Variants in USP8 observed in about 807,000 individuals in gnomAD.
USP8 encodes the protein ubiquitin specific peptidase 8, also known as ubiquitin carboxyl-terminal hydrolase 8.
USP8 carries 27 observed loss-of-function variants against 130.0 expected under a neutral mutation model. The ratio of observed to expected loss-of-function variants is 0.21; its 90% CI spans 0.15 to 0.29. The LOEUF is 0.29. Among genes scored for constraint, USP8 ranks in the 10% least tolerant of loss-of-function variants. USP8 has a pLI of 1.00. For synonymous variants in USP8, 392 were observed against 444.1 expected, an observed-to-expected ratio of 0.88 and a Z score of 1.48; for missense variants, 1,029 against 1,312.2, an observed-to-expected ratio of 0.78 and a Z score of 3.33.
Position 50,508,526 on chromosome 15 carries a change from T to C in USP8, c.*9438T>C, listed in dbSNP as rs1204575992. 1 of 152,160 alleles carries C rather than the reference T, an allele frequency of 6.6e-6. No individual in the cohort carries two copies. The highest frequency in any genetic ancestry group is 1.5e-5 in the Non-Finnish European group (1 of 68,042). The allele number at this position is 152,160 out of a possible 1,614,324, so 9.4% of individuals were successfully genotyped here. A position where few individuals can be genotyped will look rare whatever the true frequency, so the allele number is the denominator to read the frequency against. On this transcript the variant is annotated 3_prime_UTR_variant, in exon 20 of 20. Coordinates refer to ENST00000307179, the MANE Select transcript of USP8 (RefSeq NM_005154.5). ...TTTTAAATACTTATATCTTAAAGGA[T>C]AGACTGAGTGTTAATACACTGGACA...
chr15:50,496,480 TAA>T (rs35899607), intron 17 of USP8, among the ~76,000 whole-genome samples: 1,893 of 116,480 alleles, frequency 0.016, 43 homozygotes, highest in African/African-American at 0.046. Context: ...GACTCCGTCT[TAA>T]AAAAAAAAAA....
At chr15:50,483,942 G>A (rs1022973059) in intron 11 of USP8, among the ~76,000 whole-genome samples, 11 of 152,072 alleles carry the variant, frequency 7.2e-5, no homozygotes, top group Admixed American at 3.3e-4. Flanking sequence ...AACCAAAATC[G>A]TAATAGTATT....
At chr15:50,443,997 C>T (rs540143421) in intron 3 of USP8, among the ~76,000 whole-genome samples, 5 of 151,808 alleles carry the variant, frequency 3.3e-5, no homozygotes, top group African/African-American at 1.2e-4. Context: ...TTGCTTAAAA[C>T]GCAGTGTAAG....
intron 5 of USP8, among the ~76,000 whole-genome samples, chr15:50,461,540 A>G (rs997917651): frequency 1.8e-4 from 28 of 151,462 alleles, no homozygotes; most frequent in African/African-American, 6.5e-4. Context: ...GGATTATCCC[A>G]TGTTGTCTTG....
chr15:50,445,932 A>C (rs1472574519), intron 3 of USP8, among the ~76,000 whole-genome samples: 1 of 152,132 alleles, frequency 6.6e-6, no homozygotes, highest in African/African-American at 2.4e-5. Flanking sequence ...GAAGGACACT[A>C]CATTTTATTA....
At chr15:50,474,484 A>G (rs1201804308) in intron 8 of USP8, among the ~76,000 whole-genome samples, 1 of 152,222 alleles carries the variant, frequency 6.6e-6, no homozygotes, top group Non-Finnish European at 1.5e-5. Context: ...TGGGACAATT[A>G]TATGAAACTG....
At position 50,504,145 on chromosome 15, in the gene USP8, T is replaced by C. The variant is rs935447428; in HGVS notation, c.*5057T>C. On this transcript the variant is annotated 3_prime_UTR_variant, in exon 20 of 20. Coordinates refer to ENST00000307179, the MANE Select transcript of USP8 (RefSeq NM_005154.5). ...TTTAAAATACAGTGTAACAACTATT[T>C]ACATAGTATTTATATTGTATTAGAT... The C allele has an allele frequency of 2.6e-5, 4 of 152,222 alleles. No homozygotes were observed. Among genetic ancestry groups the C allele is most frequent in the African/African-American group, 9.6e-5 (4 of 41,460 alleles). The allele number at this position is 152,222 out of a possible 1,614,324, so 9.4% of individuals were successfully genotyped here. A position where few individuals can be genotyped will look rare whatever the true frequency, so the allele number is the denominator to read the frequency against.
chr15:50,460,978 A>G (rs1264629512), intron 5 of USP8, among the ~76,000 whole-genome samples: 1 of 151,636 alleles, frequency 6.6e-6, no homozygotes, highest in African/African-American at 2.4e-5. Flanking sequence ...GCAACATGGA[A>G]AAACCCTGTC....
chr15:50,476,326 A>G (rs941331671), intron 8 of USP8, among the ~76,000 whole-genome samples: 1 of 152,190 alleles, frequency 6.6e-6, no homozygotes, highest in Non-Finnish European at 1.5e-5. Flanking sequence ...GCTACTGGGA[A>G]GGCTGAGGTG....
At chr15:50,434,145 CAG>C (rs995559830) in intron 1 of USP8, among the ~76,000 whole-genome samples, 4 of 109,274 alleles carry the variant, frequency 3.7e-5, no homozygotes, top group South Asian at 2.7e-4. Context: ...TTTTAAAAGA[CAG>C]AGTCTTGCTC....
chr15:50,453,934 C>G (rs1295232108), intron 4 of USP8, among the ~76,000 whole-genome samples: 1 of 127,630 alleles, frequency 7.8e-6, no homozygotes. Context: ...ATGATCTTGG[C>G]TCACTGCAAC....
rs2052698213 is a variant in USP8, at chr15:50,508,845, AG to A, written c.*9758del. 6.7e-6 allele frequency: 1 copy of A among 149,298 alleles called. No individual in the cohort carries two copies. Among genetic ancestry groups the A allele is most frequent in the Non-Finnish European group, 1.5e-5 (1 of 67,344 alleles). 9.2% of individuals were successfully genotyped at this position (149,298 alleles called of 1,614,324 possible). A position where few individuals can be genotyped will look rare whatever the true frequency, so the allele number is the denominator to read the frequency against. ...AAACCCCGTCTCTATAAAAAAAAAA[AG>A]AGTACAGGCCAGGCGCGGTGGCTCA... On this transcript the variant is annotated 3_prime_UTR_variant, in exon 20 of 20. Coordinates refer to ENST00000307179, the MANE Select transcript of USP8 (RefSeq NM_005154.5).
intron 6 of USP8, among the ~76,000 whole-genome samples, chr15:50,462,882 T>C (rs1245543560): frequency 6.6e-6 from 1 of 152,158 alleles, no homozygotes; most frequent in African/African-American, 2.4e-5. Flanking sequence ...GTTGTAGATT[T>C]AATTTTTTCT....
chr15:50,455,077 A>C (rs2050750461), intron 4 of USP8, among the ~76,000 whole-genome samples: 1 of 144,684 alleles, frequency 6.9e-6, no homozygotes, highest in South Asian at 2.4e-4. Context: ...TCAATTCTAG[A>C]ATTTCTTCCT....
intron 11 of USP8, among the ~76,000 whole-genome samples, chr15:50,484,001 T>C (rs2051864051): frequency 6.6e-6 from 1 of 151,998 alleles, no homozygotes; most frequent in Admixed American, 6.6e-5. Context: ...TATACATTAA[T>C]GATCAGCATT....
rs1254876815 is a variant in USP8 at position 50,509,572 on chromosome 15, C to A, written c.*10484C>A. The A allele has an allele frequency of 1.3e-5, 2 of 151,796 alleles. No individual in the cohort carries two copies. Among genetic ancestry groups the A allele is most frequent in the East Asian group, 1.9e-4 (1 of 5,172 alleles). 9.4% of individuals were successfully genotyped at this position (151,796 alleles called of 1,614,324 possible). On this transcript the variant is annotated 3_prime_UTR_variant, in exon 20 of 20. Coordinates refer to ENST00000307179, the MANE Select transcript of USP8 (RefSeq NM_005154.5). ...CTGAGACAGGAGAATGACTTGAACCCGGGAGGCGGAGCTTGCCGTGAGCTG... is the reference window on the plus strand; with the variant it reads ...CTGAGACAGGAGAATGACTTGAACCAGGGAGGCGGAGCTTGCCGTGAGCTG...
intron 7 of USP8, among the ~76,000 whole-genome samples, chr15:50,468,235 C>CTT (rs71424068): frequency 0.14 from 14,647 of 105,368 alleles, 1,373 homozygotes; most frequent in Admixed American, 0.23. Context: ...TGTACCTGGC[C>CTT]TTTTTTTTTT....
At position 50,510,972 on chromosome 15, in the gene USP8, G is replaced by T. The variant is rs1158422522; in HGVS notation, c.*11884G>T. ...TTTTTGTATTTTTAGTAGAGACGGG[G>T]TTTCACCGTGTTAGCCAGGATGGTC... On this transcript the variant is annotated 3_prime_UTR_variant, in exon 20 of 20. Coordinates refer to ENST00000307179, the MANE Select transcript of USP8 (RefSeq NM_005154.5). 1 of 152,122 alleles carries T rather than the reference G, an allele frequency of 6.6e-6. No individual in the cohort carries two copies. The highest frequency in any genetic ancestry group is 2.4e-5 in the African/African-American group (1 of 41,412). 9.4% of individuals were successfully genotyped at this position (152,122 alleles called of 1,614,324 possible).
In USP8 at chr15:50,430,067, C is replaced by T. The variant is rs577604748; in HGVS notation, c.-66+5553C>T. Reference sequence around the variant, plus strand: ...ATTAAGCCACACTTTACTTTGTTACCGTTATGTACTTAACTTTCATTTTAA... The same window carrying T: ...ATTAAGCCACACTTTACTTTGTTACTGTTATGTACTTAACTTTCATTTTAA... On this transcript the variant is annotated intron_variant, in intron 1 of 19. Transcript: ENST00000307179. Among the ~76,000 whole-genome samples the T allele has an allele frequency of 1.1e-4, 17 of 152,282 alleles. No individual in the cohort carries two copies. In the East Asian group the frequency reaches 2.5e-3, roughly 22 times the overall value.
Sources: gnomAD v4.1 joint callset for allele counts (sites outside exome capture counted in the v4.1 genomes callset) on GRCh38, gnomAD v4.1.1 for gene constraint, MANE v1.5 for transcripts, NCBI Gene and HGNC (gene_info 2026-07-23, HGNC 2026-07-21) for gene names.